The following TNRC6B variants were observed in gnomAD, a reference collection of about 807,000 sequenced individuals.
The protein encoded by TNRC6B is trinucleotide repeat-containing gene 6B protein.
Under a neutral mutation model 203.6 loss-of-function variants are expected in TNRC6B, and 52 were observed. That is an observed-to-expected ratio of 0.26 (90% confidence interval 0.20 to 0.32). The LOEUF (loss-of-function observed/expected upper bound fraction) is 0.32, where lower values mean the gene tolerates loss of function less well. TNRC6B is among the 10% of genes least tolerant of loss of function. TNRC6B has a pLI of 1.00. For missense variants in TNRC6B, 1,923 were observed against 2,286.2 expected (o/e 0.84, Z 3.24); for synonymous variants, 838 against 845.7 (o/e 0.99, Z 0.16).
chr22:40,064,503 A>G (rs529214779), intron 1 of TNRC6B, among the ~76,000 whole-genome samples: 32 of 151,248 alleles, frequency 2.1e-4, no homozygotes, highest in East Asian at 1.6e-3. Flanking sequence ...TGAGATGATC[A>G]TCTAGTTTTT....
Position 40,285,778 on chromosome 22 carries a change from A to G in TNRC6B, c.3708+8A>G, listed in dbSNP as rs922412250. On this transcript the variant is annotated splice_region_variant and intron_variant, in intron 12 of 22. Coordinates refer to ENST00000454349, the MANE Select transcript of TNRC6B (RefSeq NM_001162501.2). Reference sequence around the variant, plus strand: ...CAGTTTATTTCCCCCCAGGTAAGCAATTTTACGTTCCTGTGATTCAAAATG... The same window carrying G: ...CAGTTTATTTCCCCCCAGGTAAGCAGTTTTACGTTCCTGTGATTCAAAATG... 1.8e-5 allele frequency: 29 copies of G among 1,612,488 alleles called. No individual in the cohort carries two copies. Among genetic ancestry groups the G allele is most frequent in the Non-Finnish European group, 2.4e-5 (28 of 1,179,452 alleles).
intron 4 of TNRC6B, among the ~76,000 whole-genome samples, chr22:40,170,762 TGTATATATA>T (rs2068977627): frequency 8.3e-6 from 1 of 121,082 alleles, no homozygotes; most frequent in South Asian, 2.5e-4. Context: ...CATATATGTG[TGTATATATA>T]CATATATGTA....
At chr22:40,149,664 G>A (rs1037601431) in intron 3 of TNRC6B, among the ~76,000 whole-genome samples, 4 of 117,634 alleles carry the variant, frequency 3.4e-5, no homozygotes, top group African/African-American at 1.1e-4. Flanking sequence ...GCGAGACTCC[G>A]TCTCCCTCCC....
At chr22:40,177,724 T>C (rs1337115958), upstream of TNRC6B, among the ~76,000 whole-genome samples, 2 of 152,364 alleles carry the variant, frequency 1.3e-5, no homozygotes, top group East Asian at 1.9e-4. Context: ...GTTACCCTTA[T>C]GCTGTTGCCA....
At chr22:40,306,806 T>C (rs1459211982) in intron 15 of TNRC6B, among the ~76,000 whole-genome samples, 1 of 152,000 alleles carries the variant, frequency 6.6e-6, no homozygotes, top group African/African-American at 2.4e-5. Flanking sequence ...GGCAATAGGG[T>C]GAAACCCCGT....
chr22:40,127,511 A>C (rs1365300139), intron 3 of TNRC6B, among the ~76,000 whole-genome samples: 1 of 152,164 alleles, frequency 6.6e-6, no homozygotes, highest in Admixed American at 6.5e-5. Context: ...CCCAAGATAC[A>C]CACACCCCAG....
At chr22:40,305,125 G>C (rs1202459866) in intron 15 of TNRC6B, among the ~76,000 whole-genome samples, 2 of 152,196 alleles carry the variant, frequency 1.3e-5, no homozygotes, top group African/African-American at 4.8e-5. Context: ...CCATGAATTA[G>C]GGTGTGTGGA....
chr22:40,071,652 C>T (rs929265582), intron 1 of TNRC6B, among the ~76,000 whole-genome samples: 2 of 152,162 alleles, frequency 1.3e-5, no homozygotes, highest in East Asian at 3.8e-4. Context: ...GGTTTGGACC[C>T]TTTTAAAATA....
rs964167413 is a variant in TNRC6B, at chr22:40,177,999, A to G, written c.-137A>G. ...GTTAGTTCAAGCCAAAATGGCCGAC[A>G]GAGTCTCTGCTGGTTTCTGAATATT... On this transcript the variant is annotated 5_prime_UTR_variant, in exon 1 of 23. Transcript: ENST00000454349. 1 of 1,522,292 alleles carries G rather than the reference A, an allele frequency of 6.6e-7. No homozygotes were observed. Among genetic ancestry groups the G allele is most frequent in the African/African-American group, 1.4e-5 (1 of 71,480 alleles). The allele number at this position is 1,522,292 out of a possible 1,614,324, so 94.3% of individuals were successfully genotyped here.
intron 10 of TNRC6B, among the ~76,000 whole-genome samples, chr22:40,280,728 T>G (rs1302441904): frequency 6.6e-6 from 1 of 152,256 alleles, no homozygotes; most frequent in Non-Finnish European, 1.5e-5. Flanking sequence ...AACCAAAATT[T>G]TTAAATCTGG....
chr22:40,059,926 G>A (rs1367002305), intron 1 of TNRC6B, among the ~76,000 whole-genome samples: 5 of 149,370 alleles, frequency 3.3e-5, no homozygotes, highest in Non-Finnish European at 4.4e-5. Context: ...AGGTTCAAGC[G>A]ATTCTCCTGC....
chr22:40,265,436 C>G lies in TNRC6B; in HGVS notation c.1206C>G (p.Asn402Lys). 6.2e-7 allele frequency: 1 copy of G among 1,613,994 alleles called. No homozygotes were observed. The highest frequency in any genetic ancestry group is 8.5e-7 in the Non-Finnish European group (1 of 1,179,896). ...TGCCCTTTGGAATGGGCTTGGGGAACACCTCCAGGAGCACTGATGCCCCTT... is the reference window on the plus strand; with the variant it reads ...TGCCCTTTGGAATGGGCTTGGGGAAGACCTCCAGGAGCACTGATGCCCCTT... ...KGMPFGMGLG[N>K]TSRSTDAPSQ... Residue 402 changes from asparagine (N) to lysine (K), a missense_variant, in exon 5 of 23, where the codon AAC becomes AAG. By Grantham distance (94) the Asn-to-Lys change is moderately conservative. Around this residue, in one of 8 missense-constraint regions of TNRC6B, gnomAD observed 614 missense variants for 587.7 expected, o/e 1.04. Coordinates refer to ENST00000454349, the MANE Select transcript of TNRC6B (RefSeq NM_001162501.2).
chr22:40,151,186 G>A (rs2068749225), intron 3 of TNRC6B, among the ~76,000 whole-genome samples: 1 of 151,202 alleles, frequency 6.6e-6, no homozygotes, highest in Non-Finnish European at 1.5e-5. Flanking sequence ...CATGAGAATC[G>A]CTTGAACCAG....
intron 16 of TNRC6B, among the ~76,000 whole-genome samples, 195 bp from the exon 17 acceptor site, chr22:40,310,622 G>T (rs897400829): frequency 1.3e-5 from 2 of 152,182 alleles, no homozygotes; most frequent in Non-Finnish European, 2.9e-5. Context: ...GAGGCTCAGA[G>T]AGGCGAAATG....
chr22:40,278,574 A>AT (rs71199281), intron 9 of TNRC6B, among the ~76,000 whole-genome samples: 3 of 151,094 alleles, frequency 2.0e-5, no homozygotes, highest in African/African-American at 7.3e-5. Flanking sequence ...AAAAAAAAAA[A>AT]CCTGGGACGA....
intron 1 of TNRC6B, among the ~76,000 whole-genome samples, chr22:40,064,027 T>C (rs577002654): frequency 6.6e-6 from 1 of 152,320 alleles, no homozygotes; most frequent in South Asian, 2.1e-4. Context: ...ATATAATTGT[T>C]TTCACAATTT....
At chr22:40,261,457 A>G (rs1213274587) in intron 3 of TNRC6B, among the ~76,000 whole-genome samples, 2 of 152,034 alleles carry the variant, frequency 1.3e-5, no homozygotes, top group East Asian at 3.9e-4. Flanking sequence ...GGGCGCCTGT[A>G]ATCCGAGCTA....
chr22:40,204,301 G>A (rs936457119), intron 1 of TNRC6B, among the ~76,000 whole-genome samples: 4 of 152,218 alleles, frequency 2.6e-5, no homozygotes, highest in African/African-American at 9.6e-5. Flanking sequence ...CCTGTGAAAT[G>A]TAAGCCTCTG....
At position 40,266,122 on chromosome 22, in the gene TNRC6B, A is replaced by T; in HGVS notation, c.1892A>T (p.Asp631Val). The T allele has an allele frequency of 6.2e-7, 1 of 1,613,950 alleles. No individual in the cohort carries two copies. The highest frequency in any genetic ancestry group is 8.5e-7 in the Non-Finnish European group (1 of 1,179,892). Residue 631 changes from aspartate to valine, a missense_variant, in exon 5 of 23, where the codon GAC becomes GTC. This residue lies in a region of TNRC6B where 38 missense variants were observed against 70.3 expected (regional missense o/e 0.54). Coordinates refer to ENST00000454349, the MANE Select transcript of TNRC6B (RefSeq NM_001162501.2). ...TGWGQTQIKQ[D>V]TVWDIEEVPR... is the part of the protein sequence containing the mutation. ...TGGGGCCAAACTCAAATTAAGCAGG[A>T]CACAGTGTGGGACATTGAAGAGGTG...
Sources: gnomAD v4.1 joint callset for allele counts (sites outside exome capture counted in the v4.1 genomes callset) on GRCh38, gnomAD v4.1.1 for gene constraint, gnomAD v4.1.1 regional missense constraint, MANE v1.5 for transcripts, NCBI Gene and HGNC (gene_info 2026-07-23, HGNC 2026-07-21) for gene names.